Variants in PPAT observed in about 807,000 individuals in gnomAD.
PPAT encodes the protein phosphoribosyl pyrophosphate amidotransferase, also known as amidophosphoribosyltransferase.
In PPAT, 20 loss-of-function variants were observed where a neutral mutation model predicts 60.2. That is an observed-to-expected ratio of 0.33 (90% CI 0.23 to 0.48). The LOEUF (loss-of-function observed/expected upper bound fraction) is 0.48, where lower values mean the gene tolerates loss of function less well. PPAT is among the 20% of genes least tolerant of loss of function. PPAT has a pLI of 0.99. For missense variants in PPAT, 349 were observed against 629.6 expected (o/e 0.55, Z 4.77); for synonymous variants, 194 against 215.1 (o/e 0.90, Z 0.86).
intron 1 of PPAT, chr4:56,410,847 G>A (rs1578121239): frequency 2.1e-6 from 2 of 972,956 alleles, no homozygotes; most frequent in African/African-American, 3.8e-5. Flanking sequence ...GATGCAAATG[G>A]CAGGTACCTG....
Position 56,396,538 on chromosome 4 carries a change from T to C in PPAT, c.1357+81A>G. On this transcript the variant is annotated intron_variant, in intron 10 of 10. Coordinates refer to ENST00000264220, the MANE Select transcript of PPAT (RefSeq NM_002703.5). The surrounding 1 kb of genome is among the most constrained non-coding windows in gnomAD (Gnocchi z 4.6). ...ACTTTTAACAAACACTGAATACTCC[T>C]TTTTACTAAAGGTGTAAAGACTGTC... 7.3e-7 allele frequency: 1 copy of C among 1,374,922 alleles called. No individual in the cohort carries two copies. Among genetic ancestry groups the C allele is most frequent in the East Asian group, 2.3e-5 (1 of 43,142 alleles). 85.2% of individuals were successfully genotyped at this position (1,374,922 alleles called of 1,614,324 possible).
intron 8 of PPAT, 177 bp downstream of exon 8, chr4:56,400,607 A>G: frequency 1.5e-6 from 1 of 647,358 alleles, no homozygotes; most frequent in Non-Finnish European, 2.4e-6. Flanking sequence ...GTTTTCACTA[A>G]AATAGTGCCA....
chr4:56,407,757 T>C, intron 1 of PPAT, 41 bp from the exon 2 acceptor site: 1 of 1,455,734 alleles, frequency 6.9e-7, no homozygotes, highest in Non-Finnish European at 9.7e-7. Flanking sequence ...ATCTGCCAAT[T>C]GATTAGCTTC....
intron 1 of PPAT, chr4:56,431,628 C>A (rs1328328901): frequency 2.0e-6 from 1 of 489,808 alleles, no homozygotes; most frequent in Non-Finnish European, 2.6e-6. Flanking sequence ...AGTGATAATT[C>A]ATTGAATGGA....
chr4:56,402,015 A>C, intron 6 of PPAT, 94 bp downstream of exon 6: 5 of 997,112 alleles, frequency 5.0e-6, no homozygotes, highest in Non-Finnish European at 7.3e-6. Context: ...CATCAAAAAG[A>C]AAACTTTCAA....
Position 56,416,450 on chromosome 4 carries a change from T to G in PPAT, c.129-8734A>C. On this transcript the variant is annotated intron_variant, in intron 1 of 10. Transcript: ENST00000264220. ...ACCAATGGAACTAGGTATAGTATAATGGATGGGACAGAATGAAACTGATCT... is the reference window on the plus strand; with the variant it reads ...ACCAATGGAACTAGGTATAGTATAAGGGATGGGACAGAATGAAACTGATCT... 6.8e-6 allele frequency: 3 copies of G among 443,728 alleles called. No homozygotes were observed. In the South Asian group the frequency reaches 2.9e-4, roughly 42 times the overall value. The allele number at this position is 443,728 out of a possible 1,614,324, so 27.5% of individuals were successfully genotyped here.
chr4:56,417,835 G>GTTTTTTTTTTTTTTTTTTTTT (rs1207160039), intron 1 of PPAT, among the ~76,000 whole-genome samples: 16 of 102,570 alleles, frequency 1.6e-4, no homozygotes, highest in African/African-American at 4.9e-4. Flanking sequence ...TGAAGATTTG[G>GTTTTTTTTTTTTTTTTTTTTT]TTTTTTGTTT....
At chr4:56,434,868 G>A (rs1717809765) in intron 1 of PPAT, among the ~76,000 whole-genome samples, 1 of 152,162 alleles carries the variant, frequency 6.6e-6, no homozygotes, top group Non-Finnish European at 1.5e-5. Flanking sequence ...CTGCTCAATA[G>A]CTCTGCCCTT....
At position 56,415,780 on chromosome 4, in the gene PPAT, A is replaced by G. The variant is rs957668471; in HGVS notation, c.129-8064T>C. Among the ~76,000 whole-genome samples, 4 of 152,230 alleles carry G rather than the reference A, an allele frequency of 2.6e-5. No individual in the cohort carries two copies. In the East Asian group the frequency reaches 7.7e-4, roughly 29 times the overall value. On this transcript the variant is annotated intron_variant, in intron 1 of 10. Coordinates refer to ENST00000264220, the MANE Select transcript of PPAT (RefSeq NM_002703.5). ...GATACAATTATAAATAAAACACCAC[A>G]TTTAAAAATTGTAAGGCTGGGCACA...
intron 2 of PPAT, 113 bp from the exon 3 acceptor site, chr4:56,406,814 T>G: frequency 1.4e-6 from 1 of 727,498 alleles, no homozygotes; most frequent in East Asian, 2.7e-5. Flanking sequence ...ACATTTAATA[T>G]CTCTGTGTTT....
intron 8 of PPAT, 190 bp from the exon 9 acceptor site, chr4:56,399,590 G>A (rs111983206): frequency 0.018 from 9,604 of 519,766 alleles, 127 homozygotes; most frequent in Non-Finnish European, 0.024. Context: ...TTCATTTTGT[G>A]AGGACTCATA....
At chr4:56,430,962 T>C (rs1323839424) in intron 1 of PPAT, among the ~76,000 whole-genome samples, 1 of 151,914 alleles carries the variant, frequency 6.6e-6, no homozygotes, top group Non-Finnish European at 1.5e-5. Flanking sequence ...GGCAGGTAAA[T>C]TCTGCTTCAG....
chr4:56,434,461 C>T (rs1000028114), intron 1 of PPAT, among the ~76,000 whole-genome samples: 1 of 152,100 alleles, frequency 6.6e-6, no homozygotes, highest in Admixed American at 6.5e-5. Context: ...TTTTCTTATC[C>T]TAGTGTAATA....
chr4:56,394,966 A>C lies in PPAT; in HGVS notation c.*386T>G, dbSNP rs1242473808. On this transcript the variant is annotated 3_prime_UTR_variant, in exon 11 of 11. Coordinates refer to ENST00000264220, the MANE Select transcript of PPAT (RefSeq NM_002703.5). ...ACACCTATGAGGTATAATGTATTCT[A>C]TTCAAACTTTGTGTGAAATGGTATA... 11 of 183,564 alleles carry C rather than the reference A, an allele frequency of 6.0e-5. No homozygotes were observed. The highest frequency in any genetic ancestry group is 3.3e-5 in the Non-Finnish European group (3 of 90,288). The allele number at this position is 183,564 out of a possible 1,614,324, so 11.4% of individuals were successfully genotyped here.
chr4:56,398,594 T>C (rs1560636887), intron 9 of PPAT, among the ~76,000 whole-genome samples: 1 of 149,050 alleles, frequency 6.7e-6, no homozygotes, highest in Non-Finnish European at 1.5e-5. Flanking sequence ...GAATTACAGG[T>C]GTGTGCCACC....
At chr4:56,424,668 G>C (rs116470493) in intron 1 of PPAT, among the ~76,000 whole-genome samples, 7 of 152,320 alleles carry the variant, frequency 4.6e-5, no homozygotes, top group Middle Eastern at 3.4e-3. Flanking sequence ...ATAAGCGAGA[G>C]AGGATAAAAG....
Position 56,395,206 on chromosome 4 carries a change from GA to G in PPAT, c.*145del, listed in dbSNP as rs34605681. On this transcript the variant is annotated 3_prime_UTR_variant, in exon 11 of 11. Transcript: ENST00000264220. ...TTATCGCACTTTGGTATCCTTTTCAGAAAAAAAAAAAATCTCAAAACTTATA... is the reference window on the plus strand; with the variant it reads ...TTATCGCACTTTGGTATCCTTTTCAGAAAAAAAAAAATCTCAAAACTTATA... 0.029 allele frequency: 16,835 copies of G among 588,234 alleles called. No individual in the cohort carries two copies. Among genetic ancestry groups the G allele is most frequent in the Non-Finnish European group, 0.034 (12,619 of 371,390 alleles). 36.4% of individuals were successfully genotyped at this position (588,234 alleles called of 1,614,324 possible).
At chr4:56,417,702 A>G (rs1200985160) in intron 1 of PPAT, among the ~76,000 whole-genome samples, 1 of 152,100 alleles carries the variant, frequency 6.6e-6, no homozygotes, top group Non-Finnish European at 1.5e-5. Context: ...AGGAAGGCTC[A>G]CTTGAGCCCA....
chr4:56,405,285 T>C (rs1244052048), intron 3 of PPAT, among the ~76,000 whole-genome samples: 1 of 152,220 alleles, frequency 6.6e-6, no homozygotes, highest in East Asian at 1.9e-4. Context: ...TTCAAGTTTA[T>C]ACTCCATTTT....
Sources: gnomAD v4.1 joint callset for allele counts (sites outside exome capture counted in the v4.1 genomes callset) on GRCh38, gnomAD v4.1.1 for gene constraint, Gnocchi (gnomAD v3.1) non-coding constraint, MANE v1.5 for transcripts, NCBI Gene and HGNC (gene_info 2026-07-23, HGNC 2026-07-21) for gene names.